PTPRT: variants seen among roughly 807,000 people sequenced by gnomAD.
PTPRT encodes the protein protein tyrosine phosphatase receptor type T, also known as receptor-type tyrosine-protein phosphatase T.
A neutral mutation model predicts 176.8 loss-of-function variants in PTPRT; 56 were observed. The observed-to-expected ratio is 0.32, with a 90% confidence interval of 0.26 to 0.40. The LOEUF is 0.40. Ranked by LOEUF, PTPRT falls within the 10% of genes least tolerant of loss-of-function variation. The pLI is 1.00. For synonymous variants in PTPRT, 783 were observed against 739.0 expected, an observed-to-expected ratio of 1.06 and a Z score of -0.96; for missense variants, 1,540 against 1,908.2, an observed-to-expected ratio of 0.81 and a Z score of 3.60.
intron 2 of PTPRT, among the ~76,000 whole-genome samples, chr20:42,834,839 C>T (rs2078153956): frequency 6.6e-6 from 1 of 152,018 alleles, no homozygotes; most frequent in Non-Finnish European, 1.5e-5. Flanking sequence ...GAAAGTTACT[C>T]CATGTCAATT....
chr20:42,703,848 G>A (rs1569097273), intron 6 of PTPRT, among the ~76,000 whole-genome samples: 1 of 152,098 alleles, frequency 6.6e-6, no homozygotes, highest in Non-Finnish European at 1.5e-5. Flanking sequence ...CTAAGAAATA[G>A]AAAAGCAGCT....
chr20:42,581,687 T>C (rs894618973), intron 7 of PTPRT, among the ~76,000 whole-genome samples: 1 of 152,098 alleles, frequency 6.6e-6, no homozygotes, highest in Non-Finnish European at 1.5e-5. Flanking sequence ...AAATAAAACA[T>C]GGAATGAGAC....
intron 9 of PTPRT, among the ~76,000 whole-genome samples, chr20:42,378,601 T>C (rs1401386327): frequency 6.6e-6 from 1 of 152,188 alleles, no homozygotes; most frequent in Non-Finnish European, 1.5e-5. Context: ...TCTCAGTGAG[T>C]ATCTGTCGAA....
chr20:42,157,568 ACTC>A (rs1273599363), intron 17 of PTPRT, among the ~76,000 whole-genome samples: 1 of 150,242 alleles, frequency 6.7e-6, no homozygotes, highest in Non-Finnish European at 1.5e-5. Flanking sequence ...CTGGTCTTGA[ACTC>A]CTGACCTCAG....
chr20:43,182,681 A>C (rs938976326), intron 1 of PTPRT, among the ~76,000 whole-genome samples: 7 of 151,712 alleles, frequency 4.6e-5, no homozygotes, highest in Admixed American at 4.6e-4. Flanking sequence ...GTGAGCCACC[A>C]CTCGCCCGGC....
Position 42,613,331 on chromosome 20 carries a change from C to T in PTPRT, c.1153+64535G>A, listed in dbSNP as rs565656243. 8.5e-5 allele frequency among the ~76,000 whole-genome samples: 13 copies of T among 152,282 alleles called. No individual in the cohort carries two copies. The South Asian group carries it at 1.9e-3, about 22-fold the overall frequency. On this transcript the variant is annotated intron_variant, in intron 7 of 30. Coordinates refer to ENST00000373187, the MANE Select transcript of PTPRT (RefSeq NM_007050.6). ...AACTTGCAGTGCCCCTTATTTTGTTCCATTAAAAAGCTGTCTTTTGAAGCT... is the reference window on the plus strand; with the variant it reads ...AACTTGCAGTGCCCCTTATTTTGTTTCATTAAAAAGCTGTCTTTTGAAGCT...
intron 9 of PTPRT, among the ~76,000 whole-genome samples, chr20:42,371,655 G>A (rs186199927): frequency 1.3e-5 from 2 of 152,232 alleles, no homozygotes; most frequent in African/African-American, 4.8e-5. Flanking sequence ...CAGTGCCCAG[G>A]GCTGTTCTCC....
chr20:42,360,107 C>A (rs1229004838), intron 9 of PTPRT, among the ~76,000 whole-genome samples: 1 of 152,196 alleles, frequency 6.6e-6, no homozygotes, highest in Non-Finnish European at 1.5e-5. Context: ...CATCCATCAA[C>A]CAAAATGGAG....
At chr20:42,694,040 C>CTTTT (rs56156122) in intron 6 of PTPRT, among the ~76,000 whole-genome samples, 1 of 138,438 alleles carries the variant, frequency 7.2e-6, no homozygotes, top group Non-Finnish European at 1.6e-5. Context: ...ATTTTATTTT[C>CTTTT]TTTTTTTTTT....
At chr20:42,070,136 C>A (rs141997549), downstream of PTPRT, among the ~76,000 whole-genome samples, 44 of 152,110 alleles carry the variant, frequency 2.9e-4, 1 homozygote, top group Non-Finnish European at 5.3e-4. Context: ...TTCTCCTTGC[C>A]ACCCCCAAAC....
At chr20:42,449,558 A>G (rs1307536758) in intron 8 of PTPRT, among the ~76,000 whole-genome samples, 1 of 152,090 alleles carries the variant, frequency 6.6e-6, no homozygotes, top group African/African-American at 2.4e-5. Context: ...GCCATAAAAC[A>G]CCTCTGCCCA....
At chr20:42,889,283 A>G (rs939869689) in intron 1 of PTPRT, among the ~76,000 whole-genome samples, 2 of 152,246 alleles carry the variant, frequency 1.3e-5, no homozygotes, top group Non-Finnish European at 2.9e-5. Context: ...CCCTTCTTAC[A>G]GTCTGCTCTT....
chr20:42,747,050 A>T (rs888328576), intron 6 of PTPRT, among the ~76,000 whole-genome samples: 2 of 152,230 alleles, frequency 1.3e-5, no homozygotes, highest in Non-Finnish European at 2.9e-5. Flanking sequence ...TAGCCAAATC[A>T]GAGCAAAGAA....
intron 11 of PTPRT, among the ~76,000 whole-genome samples, chr20:42,331,782 G>C (rs1205534594): frequency 2.0e-5 from 3 of 152,096 alleles, no homozygotes; most frequent in Non-Finnish European, 2.9e-5. Flanking sequence ...TTTTGAACAG[G>C]TTCACCGTGA....
intron 9 of PTPRT, among the ~76,000 whole-genome samples, chr20:42,354,851 C>T (rs2058335876): frequency 6.6e-6 from 1 of 151,908 alleles, no homozygotes; most frequent in Admixed American, 6.6e-5. Context: ...GTGCCGCATC[C>T]TTGAGGAGAG....
At position 42,619,607 on chromosome 20, in the gene PTPRT, T is replaced by C. The variant is rs1049043552; in HGVS notation, c.1153+58259A>G. On this transcript the variant is annotated intron_variant, in intron 7 of 30. Coordinates refer to ENST00000373187, the MANE Select transcript of PTPRT (RefSeq NM_007050.6). Reference sequence around the variant, plus strand: ...CAGACGTAGATTTGGTCTTTTCACATAGTCCCATATTTCTTGGAGGCTTTG... The same window carrying C: ...CAGACGTAGATTTGGTCTTTTCACACAGTCCCATATTTCTTGGAGGCTTTG... Among the ~76,000 whole-genome samples the C allele has an allele frequency of 3.0e-5, 4 of 134,000 alleles. 1 individual carries two copies. The highest frequency in any genetic ancestry group is 1.4e-4 in the Admixed American group (2 of 14,120). The allele number at this position is 134,000 out of a possible 152,430, so 87.9% of individuals were successfully genotyped here. A position where few individuals can be genotyped will look rare whatever the true frequency, so the allele number is the denominator to read the frequency against.
intron 14 of PTPRT, among the ~76,000 whole-genome samples, chr20:42,246,637 T>C (rs1478905495): frequency 3.3e-5 from 5 of 152,204 alleles, no homozygotes; most frequent in African/African-American, 7.2e-5. Flanking sequence ...ATTTCAGAAA[T>C]AGCTGTGAGA....
intron 6 of PTPRT, among the ~76,000 whole-genome samples, chr20:42,751,775 G>A (rs1437826907): frequency 6.6e-6 from 1 of 152,084 alleles, no homozygotes; most frequent in African/African-American, 2.4e-5. Context: ...GGGCTCTCGG[G>A]CCTTTGGCCA....
At chr20:42,767,757 T>G (rs1296775880) in intron 5 of PTPRT, among the ~76,000 whole-genome samples, 1 of 146,234 alleles carries the variant, frequency 6.8e-6, no homozygotes, top group Non-Finnish European at 1.5e-5. Context: ...TATATAAAGA[T>G]TATATATTTA....
Sources: gnomAD v4.1 joint callset for allele counts (sites outside exome capture counted in the v4.1 genomes callset) on GRCh38, gnomAD v4.1.1 for gene constraint, MANE v1.5 for transcripts, NCBI Gene and HGNC (gene_info 2026-07-23, HGNC 2026-07-21) for gene names.